Variants in EFHB observed in about 807,000 individuals in gnomAD.
The protein encoded by EFHB is EF-hand domain family member B, also known as EF-hand domain-containing family member B.
A neutral mutation model predicts 87.2 loss-of-function variants in EFHB; 91 were observed. That is an observed-to-expected ratio of 1.04 (90% CI 0.88 to 1.24). The LOEUF (loss-of-function observed/expected upper bound fraction) is 1.24. EFHB is among the 50% of genes most tolerant of loss of function. EFHB has a pLI of 0.00. For missense variants in EFHB, 1,084 were observed against 998.8 expected (o/e 1.09, Z -1.15); for synonymous variants, 325 against 333.6 (o/e 0.97, Z 0.28).
At chr3:19,934,290 C>T, upstream of EFHB, 1 of 1,345,058 alleles carries the variant, frequency 7.4e-7, no homozygotes, top group Non-Finnish European at 9.6e-7. Context: ...CCCTGCCCAT[C>T]TCTCATTCTT....
chr3:19,929,521 T>C (rs2125163524), intron 1 of EFHB, among the ~76,000 whole-genome samples: 1 of 151,858 alleles, frequency 6.6e-6, no homozygotes, highest in African/African-American at 2.4e-5. Flanking sequence ...CTGGCCAATA[T>C]GATGAAACCC....
chr3:19,880,823 A>G (rs1339522299), intron 12 of EFHB, among the ~76,000 whole-genome samples: 2 of 152,182 alleles, frequency 1.3e-5, no homozygotes, highest in Non-Finnish European at 2.9e-5. Context: ...GGAAGAAACA[A>G]TAGAATGAGT....
At chr3:19,885,153 C>T (rs1239565891) in intron 10 of EFHB, among the ~76,000 whole-genome samples, 2 of 147,802 alleles carry the variant, frequency 1.4e-5, no homozygotes, top group Admixed American at 6.8e-5. Flanking sequence ...ATCAGGGAGG[C>T]AATGGTTGCA....
At chr3:19,925,786 C>A (rs544278310) in intron 1 of EFHB, among the ~76,000 whole-genome samples, 38 of 152,238 alleles carry the variant, frequency 2.5e-4, no homozygotes, top group African/African-American at 7.7e-4. Context: ...GACCCACAGA[C>A]CCATAATCAT....
chr3:19,940,901 G>A (rs1201807696), intron 1 of EFHB: 2 of 344,834 alleles, frequency 5.8e-6, no homozygotes, highest in Non-Finnish European at 1.2e-5. Context: ...AGGTAGTGAA[G>A]GTCTGTCTGC....
intron 9 of EFHB, among the ~76,000 whole-genome samples, chr3:19,895,704 C>T (rs1340788663): frequency 1.3e-5 from 2 of 152,116 alleles, no homozygotes; most frequent in African/African-American, 4.8e-5. Context: ...ATACAAAATA[C>T]ATGCTATCCA....
intron 1 of EFHB, among the ~76,000 whole-genome samples, chr3:19,943,498 T>A (rs1304314855): frequency 6.6e-6 from 1 of 152,168 alleles, no homozygotes; most frequent in Non-Finnish European, 1.5e-5. Context: ...CTCCCTATTT[T>A]GTGTCAGTGT....
In EFHB at chr3:19,879,513, CAT is replaced by C; in HGVS notation, c.*116_*117del. On this transcript the variant is annotated 3_prime_UTR_variant, in exon 13 of 13. Transcript: ENST00000295824. ...CTAATTTATTAGCAACACATACAGGCATATGAGTCTTACCACTGTGAACTCTA... is the reference window on the plus strand; with the variant it reads ...CTAATTTATTAGCAACACATACAGGCATGAGTCTTACCACTGTGAACTCTA... The C allele has an allele frequency of 9.4e-7, 1 of 1,063,594 alleles. No homozygotes were observed. The highest frequency in any genetic ancestry group is 1.3e-6 in the Non-Finnish European group (1 of 762,144). 65.9% of individuals were successfully genotyped at this position (1,063,594 alleles called of 1,614,324 possible).
intron 8 of EFHB, 30 bp downstream of exon 8, chr3:19,898,748 G>T (rs1575007119): frequency 4.4e-6 from 7 of 1,608,450 alleles, no homozygotes; most frequent in East Asian, 2.2e-5. Context: ...TTTGTTTGGG[G>T]TTTTTTACGG....
intron 5 of EFHB, among the ~76,000 whole-genome samples, chr3:19,914,874 G>C (rs1695172919): frequency 6.6e-6 from 1 of 152,054 alleles, no homozygotes; most frequent in African/African-American, 2.4e-5. Context: ...AGGATCGCTT[G>C]AGCTCAGGAG....
At chr3:19,896,615 C>G (rs896070206) in intron 9 of EFHB, 72 bp downstream of exon 9, 2 of 1,573,132 alleles carry the variant, frequency 1.3e-6, no homozygotes, top group African/African-American at 3.0e-5. Flanking sequence ...AGTTTGCTGA[C>G]CCCTGATCTA....
rs1559476128 is a variant in EFHB, at chr3:19,933,637, G to T, written c.382C>A (p.Pro128Thr). ...AGYTHERIIQ[P>T]PLGRVCGSSQ... ...CTTCCACACACCCTGCCCAAAGGAG[G>T]CTGTATTATCCGTTCATGGGTATAT... The change falls in exon 1 of 13, where the codon CCT (proline) becomes ACT (threonine). Residue 128 changes from proline to threonine, a missense_variant. Coordinates refer to ENST00000295824, the MANE Select transcript of EFHB (RefSeq NM_144715.4). 6.2e-7 allele frequency: 1 copy of T among 1,613,958 alleles called. No individual in the cohort carries two copies. Among genetic ancestry groups the T allele is most frequent in the African/African-American group, 1.3e-5 (1 of 75,022 alleles).
At chr3:19,887,767 A>G (rs775529950) in intron 10 of EFHB, among the ~76,000 whole-genome samples, 2 of 152,246 alleles carry the variant, frequency 1.3e-5, no homozygotes, top group Admixed American at 6.5e-5. Flanking sequence ...TGTAAACATT[A>G]TAACATTTGA....
intron 9 of EFHB, chr3:19,894,989 A>ATATATATATATATATATATAT (rs1553629699): frequency 1.4e-5 from 2 of 144,524 alleles, no homozygotes; most frequent in African/African-American, 5.3e-5. Flanking sequence ...TGTCTCAAAA[A>ATATATATATATATATATATAT]ATATATATAT....
At chr3:19,897,436 A>G (rs1694527753) in intron 8 of EFHB, among the ~76,000 whole-genome samples, 1 of 152,234 alleles carries the variant, frequency 6.6e-6, no homozygotes, top group Admixed American at 6.5e-5. Context: ...ACTAGAGTTG[A>G]CCATGCTGCT....
chr3:19,899,972 C>G (rs1356361423), intron 6 of EFHB, among the ~76,000 whole-genome samples: 1 of 152,084 alleles, frequency 6.6e-6, no homozygotes, highest in Non-Finnish European at 1.5e-5. Flanking sequence ...ACTCGAGAGG[C>G]TGAGCTAGGA....
At chr3:19,908,606 A>G (rs372817344) in intron 5 of EFHB, among the ~76,000 whole-genome samples, 2,663 of 110,600 alleles carry the variant, frequency 0.024, 25 homozygotes, top group Middle Eastern at 0.036. Context: ...GAGAGAAAGA[A>G]AGAAAGAAAG....
chr3:19,913,961 G>A (rs887963983), intron 5 of EFHB, among the ~76,000 whole-genome samples: 1 of 152,150 alleles, frequency 6.6e-6, no homozygotes, highest in Non-Finnish European at 1.5e-5. Flanking sequence ...AAATGGTGCT[G>A]GGAAAACTGG....
chr3:19,925,004 G>A (rs1428918249), intron 1 of EFHB, among the ~76,000 whole-genome samples: 1 of 152,068 alleles, frequency 6.6e-6, no homozygotes, highest in African/African-American at 2.4e-5. Flanking sequence ...CCAGCACTTT[G>A]GGAAGCCGAG....
Sources: allele counts gnomAD v4.1 joint callset (sites outside exome capture counted in the v4.1 genomes callset), GRCh38; gene constraint gnomAD v4.1.1; transcripts MANE v1.5; gene names NCBI Gene and HGNC (gene_info 2026-07-23, HGNC 2026-07-21).